OTC: variants seen among roughly 807,000 people sequenced by gnomAD.
OTC encodes ornithine transcarbamylase.
OTC carries 3 observed loss-of-function variants against 30.3 expected under a neutral mutation model. The ratio of observed to expected loss-of-function variants is 0.10; its 90% confidence interval spans 0.05 to 0.26. The LOEUF (loss-of-function observed/expected upper bound fraction) is 0.26, where lower values mean the gene tolerates loss of function less well. Ranked by LOEUF, OTC falls within the 10% of genes least tolerant of loss-of-function variation. The probability of loss-of-function intolerance (pLI) is 1.00; values close to 1 mark genes in which losing one functional copy is unlikely to be tolerated. For synonymous variants in OTC, 111 were observed against 99.7 expected, an observed-to-expected ratio of 1.11 and a Z score of -0.67; for missense variants, 194 against 260.3, an observed-to-expected ratio of 0.75 and a Z score of 1.75.
intron 6 of OTC, among the ~76,000 whole-genome samples, chrX:38,405,674 T>C (rs997136379): frequency 8.9e-6 from 1 of 111,850 alleles, no homozygotes; most frequent in Admixed American, 9.5e-5. Context: ...GTGGAAGTCA[T>C]CCTATTATAG....
At chrX:38,415,269 G>A (rs949502317) in intron 9 of OTC, among the ~76,000 whole-genome samples, 1 of 107,758 alleles carries the variant, frequency 9.3e-6, no homozygotes, top group East Asian at 3.0e-4. Flanking sequence ...AGTAGAGGCA[G>A]GGCTTCACCA....
At chrX:38,404,572 A>G (rs903827924) in intron 6 of OTC, among the ~76,000 whole-genome samples, 2 of 111,992 alleles carry the variant, frequency 1.8e-5, no homozygotes, top group Admixed American at 1.9e-4. Context: ...TTATTTATAT[A>G]TATTCTTTCA....
intron 4 of OTC, among the ~76,000 whole-genome samples, chrX:38,400,382 A>G (rs1012524568): frequency 8.9e-6 from 1 of 111,946 alleles, no homozygotes; most frequent in African/African-American, 3.3e-5. Context: ...TGTAAGCACC[A>G]GAGTTTATTG....
the OTC span, among the ~76,000 whole-genome samples, chrX:38,336,275 T>G: frequency 9.1e-6 from 1 of 110,047 alleles, no homozygotes; most frequent in East Asian, 2.9e-4. Context: ...TGAATTTCTA[T>G]TAAGGAGCAA....
intron 3 of OTC, among the ~76,000 whole-genome samples, chrX:38,380,830 G>A (rs2068372300): frequency 9.0e-6 from 1 of 111,596 alleles, no homozygotes; most frequent in South Asian, 3.8e-4. Context: ...CCAGATTCAA[G>A]CGATTCTCCT....
At chrX:38,420,695 G>A (rs2068590756) in intron 9 of OTC, among the ~76,000 whole-genome samples, 2 of 110,605 alleles carry the variant, frequency 1.8e-5, no homozygotes. Flanking sequence ...TCTAAAACTA[G>A]CCAATACTAT....
At position 38,399,895 on chromosome X, in the gene OTC, G is replaced by A. The variant is rs890709401; in HGVS notation, c.387-1380G>A. On this transcript the variant is annotated intron_variant, in intron 4 of 9. Transcript: ENST00000039007. ...CACTTCTCATGCTATAAAATATAGCGCGCTTAGATAGTTCAAAGCAGTGGT... is the reference window on the plus strand; with the variant it reads ...CACTTCTCATGCTATAAAATATAGCACGCTTAGATAGTTCAAAGCAGTGGT... Among the ~76,000 whole-genome samples, 8 of 110,783 alleles carry A rather than the reference G, an allele frequency of 7.2e-5. No homozygotes were observed. In the East Asian group the frequency reaches 8.5e-4, roughly 12 times the overall value.
intron 4 of OTC, among the ~76,000 whole-genome samples, chrX:38,387,958 C>G (rs1220574112): frequency 1.8e-5 from 2 of 111,505 alleles, no homozygotes; most frequent in Admixed American, 9.5e-5. Flanking sequence ...AGTGGACCAC[C>G]CTTCTCATTT....
At chrX:38,339,724 T>C in the OTC span, among the ~76,000 whole-genome samples, 3 of 111,120 alleles carry the variant, frequency 2.7e-5, no homozygotes, top group African/African-American at 9.8e-5. Context: ...TTTATTTTAA[T>C]GGACCCCTCA....
At chrX:38,352,863 G>GTAGCTTACTGCAGAATA in intron 1 of OTC, 90 bp downstream of exon 1, 1 of 643,643 alleles carries the variant, frequency 1.6e-6, no homozygotes. Flanking sequence ...TCTGCAGAAT[G>GTAGCTTACTGCAGAATA]TAGTGCCACG....
chrX:38,352,499 A>G, upstream of OTC: 1 of 419,578 alleles, frequency 2.4e-6, no homozygotes, highest in Non-Finnish European at 4.2e-6. Flanking sequence ...GGAGCTTGGC[A>G]TAAAGTTCAA....
chrX:38,363,607 T>G (rs1213273370), intron 1 of OTC, among the ~76,000 whole-genome samples: 1 of 111,414 alleles, frequency 9.0e-6, no homozygotes, highest in Non-Finnish European at 1.9e-5. Flanking sequence ...CTAATTAATA[T>G]TATCAGAAGA....
chrX:38,400,092 C>CT (rs201926895), intron 4 of OTC, among the ~76,000 whole-genome samples: 2,452 of 110,900 alleles, frequency 0.022, 78 homozygotes, highest in African/African-American at 0.077. Flanking sequence ...TTAAAATATC[C>CT]TTTTTAAATT....
At chrX:38,409,279 G>A (rs1017499062) in intron 8 of OTC, among the ~76,000 whole-genome samples, 5 of 111,465 alleles carry the variant, frequency 4.5e-5, no homozygotes, top group East Asian at 5.6e-4. Context: ...CACAAGAATC[G>A]AGGCATTGCA....
upstream of OTC, among the ~76,000 whole-genome samples, chrX:38,349,678 T>C (rs1276845220): frequency 8.9e-6 from 1 of 112,490 alleles, no homozygotes; most frequent in Non-Finnish European, 1.9e-5. Context: ...CAGTCTGTGG[T>C]ATTCTGTTAC....
chrX:38,338,994 G>A, the OTC span, among the ~76,000 whole-genome samples: 23,349 of 111,447 alleles, frequency 0.21, 1,893 homozygotes, highest in African/African-American at 0.29. Context: ...GCTTAGCAGC[G>A]GGTGGAGAAA....
chrX:38,408,661 A>G, intron 6 of OTC, 81 bp from the exon 7 acceptor site: 1 of 656,018 alleles, frequency 1.5e-6, no homozygotes, highest in Non-Finnish European at 2.4e-6. Context: ...GAGACGCGAT[A>G]TTGAAAAGAA....
intron 2 of OTC, among the ~76,000 whole-genome samples, chrX:38,367,696 T>C (rs1445834368): frequency 2.8e-5 from 3 of 108,277 alleles, no homozygotes; most frequent in Non-Finnish European, 5.8e-5. Context: ...AAGAAATCAT[T>C]TGTCTGAAAA....
At position 38,369,596 on chromosome X, in the gene OTC, G is replaced by A. The variant is rs7064359; in HGVS notation, c.217-200G>A. On this transcript the variant is annotated intron_variant, in intron 2 of 9. Transcript: ENST00000039007. The stretch of plus-strand genomic sequence containing the variant: ...GGCTGGTCTCGAACTCCTGACCTCA[G>A]GTGATCCACCTGCCTTGGCCTCCCA... 0.022 allele frequency among the ~76,000 whole-genome samples: 2,372 copies of A among 108,648 alleles called. 66 individuals carry two copies. Among genetic ancestry groups the A allele is most frequent in the African/African-American group, 0.076 (2,255 of 29,699 alleles). 94.3% of individuals were successfully genotyped at this position (108,648 alleles called of 115,157 possible). A position where few individuals can be genotyped will look rare whatever the true frequency, so the allele number is the denominator to read the frequency against.
Sources: gnomAD v4.1 joint callset for allele counts (sites outside exome capture counted in the v4.1 genomes callset) on GRCh38, gnomAD v4.1.1 for gene constraint, MANE v1.5 for transcripts, NCBI Gene and HGNC (gene_info 2026-07-23, HGNC 2026-07-21) for gene names.